The following NUP88 variants were observed in gnomAD, a reference collection of about 807,000 sequenced individuals.
The protein encoded by NUP88 is nuclear pore complex protein Nup88.
Under a neutral mutation model 93.9 loss-of-function variants are expected in NUP88, and 57 were observed. The ratio of observed to expected loss-of-function variants is 0.61; its 90% CI spans 0.49 to 0.76. The LOEUF is 0.76. Ranked by LOEUF, NUP88 falls within the 30% of genes least tolerant of loss-of-function variation. NUP88 has a pLI of 0.00. For missense variants in NUP88, 911 were observed against 901.0 expected, an observed-to-expected ratio of 1.01 and a Z score of -0.14; for synonymous variants, 346 against 336.8, an observed-to-expected ratio of 1.03 and a Z score of -0.30.
chr17:5,412,790 C>T (rs1051159409), intron 3 of NUP88, among the ~76,000 whole-genome samples: 6 of 152,134 alleles, frequency 3.9e-5, no homozygotes, highest in Admixed American at 1.3e-4. Context: ...GCTACCAGTT[C>T]GGTAAGATCT....
At chr17:5,410,818 A>G (rs1406094741) in intron 3 of NUP88, 29 bp from the exon 4 acceptor site, 1 of 1,455,788 alleles carries the variant, frequency 6.9e-7, no homozygotes, top group Non-Finnish European at 9.5e-7. Context: ...GAAAACCAGC[A>G]CTTAAAATTC....
intron 10 of NUP88, among the ~76,000 whole-genome samples, chr17:5,390,037 C>T (rs892088325): frequency 2.6e-5 from 4 of 151,690 alleles, no homozygotes; most frequent in Admixed American, 6.6e-5. Flanking sequence ...ATGTGGTGTG[C>T]GCCTGTAATC....
In NUP88 at chr17:5,387,888, T is replaced by C. The variant is rs1189116349; in HGVS notation, c.1660A>G (p.Ile554Val). Residue 554 changes from isoleucine (I) to valine (V), a missense_variant, in exon 12 of 17, where the codon ATA becomes GTA. Transcript: ENST00000573584. Reference sequence around the variant, plus strand: ...AGGCATTCTTCAGGAGGAGGGGCTATGTCCTTTTCAGAAGCTCTTAAAAAC... The same window carrying C: ...AGGCATTCTTCAGGAGGAGGGGCTACGTCCTTTTCAGAAGCTCTTAAAAAC... ...PAFLKASEKDIAPPPEECLQL... is the reference protein window; with the variant it reads ...PAFLKASEKDVAPPPEECLQL... The C allele has an allele frequency of 1.2e-6, 2 of 1,613,548 alleles. No homozygotes were observed. The highest frequency in any genetic ancestry group is 2.2e-5 in the East Asian group (1 of 44,874).
chr17:5,404,075 CACT>C (rs1427951257), intron 7 of NUP88, 21 bp downstream of exon 7: 4 of 1,608,812 alleles, frequency 2.5e-6, no homozygotes. Context: ...GGGAAAAAAG[CACT>C]ACATTTATTG....
chr17:5,386,653 T>C, intron 16 of NUP88, 55 bp downstream of exon 16: 1 of 1,165,786 alleles, frequency 8.6e-7, no homozygotes, highest in Non-Finnish European at 1.3e-6. Flanking sequence ...GATTCTGGCA[T>C]ACTGTAAAGG....
chr17:5,410,717 T>A lies in NUP88; in HGVS notation c.666A>T (p.Leu222=). The A allele has an allele frequency of 6.2e-7, 1 of 1,604,856 alleles. No individual in the cohort carries two copies. The highest frequency in any genetic ancestry group is 1.7e-5 in the Admixed American group (1 of 59,790). The change falls in exon 4 of 17, where the codon CTA becomes CTT. Residue 222 remains leucine (L), a synonymous_variant. Transcript: ENST00000573584. The part of the protein sequence containing the change: ...IILSEAEEES[L]VLNKGRAYTA... ...TAAAAACTTACCCTTTATTGAGTAC[T>A]AGACTTTCCTCTTCGGCTTCTGAAA...
rs149115747 is a variant in NUP88 at position 5,413,956 on chromosome 17, A to C, written c.593+53T>G. ...TATGTTGAGCTGTTAATTGGCAAAC[A>C]GAAACAGAGCTTTCCCACTCGCAAG... is the stretch of plus-strand genomic sequence containing the variant. On this transcript the variant is annotated intron_variant, in intron 3 of 16. Coordinates refer to ENST00000573584, the MANE Select transcript of NUP88 (RefSeq NM_002532.6). 1.1e-3 allele frequency: 1,813 copies of C among 1,596,430 alleles called. 7 individuals are homozygous for C. The Middle Eastern group carries it at 0.02, about 17-fold the overall frequency.
At chr17:5,397,449 G>A (rs929732798) in intron 8 of NUP88, among the ~76,000 whole-genome samples, 3 of 152,096 alleles carry the variant, frequency 2.0e-5, no homozygotes, top group African/African-American at 4.8e-5. Context: ...TACAACATGA[G>A]GACTCAACCC....
At chr17:5,390,744 C>T (rs1912366437) in intron 10 of NUP88, among the ~76,000 whole-genome samples, 1 of 151,962 alleles carries the variant, frequency 6.6e-6, no homozygotes, top group African/African-American at 2.4e-5. Context: ...TGCTCTGTTA[C>T]CCAGGCTGTA....
intron 8 of NUP88, among the ~76,000 whole-genome samples, chr17:5,399,233 G>A (rs1912995125): frequency 1.6e-5 from 2 of 126,682 alleles, no homozygotes; most frequent in Admixed American, 1.8e-4. Context: ...CCCAGACCCT[G>A]ATTGAGTCAG....
In NUP88 at chr17:5,398,714, G is replaced by A. The variant is rs755250716; in HGVS notation, c.1291+838C>T. 3.3e-5 allele frequency among the ~76,000 whole-genome samples: 5 copies of A among 151,516 alleles called. No individual in the cohort carries two copies. The South Asian group carries it at 6.3e-4, about 19-fold the overall frequency. ...AGCGACTCTCCTACCTCAGCCTTCC[G>A]AGTAGCTGGGACTACAGGTGTGTGC... is the stretch of plus-strand genomic sequence containing the variant. On this transcript the variant is annotated intron_variant, in intron 8 of 16. Transcript: ENST00000573584.
Position 5,419,638 on chromosome 17 carries a change from C to G in NUP88, c.13G>C (p.Glu5Gln), listed in dbSNP as rs769723943. 19 of 1,589,672 alleles carry G rather than the reference C, an allele frequency of 1.2e-5. No individual in the cohort carries two copies. In the Admixed American group the frequency reaches 1.3e-4, roughly 11 times the overall value. MAAA[E>Q]GPVGDGELWQ... The stretch of plus-strand genomic sequence containing the variant: ...AGCTCGCCGTCGCCCACCGGTCCCT[C>G]GGCGGCCGCCATCTTGGCCCAACTG... Residue 5 changes from glutamate to glutamine, a missense_variant, in exon 1 of 17, where the codon GAG becomes CAG. Transcript: ENST00000573584.
At chr17:5,388,690 A>G in intron 11 of NUP88, 112 bp downstream of exon 11, 1 of 1,017,714 alleles carries the variant, frequency 9.8e-7, no homozygotes, top group Non-Finnish European at 1.4e-6. Context: ...GTTTCTTCCA[A>G]ATTTATCACA....
At chr17:5,386,650 G>T in intron 16 of NUP88, 58 bp downstream of exon 16, 1 of 1,138,262 alleles carries the variant, frequency 8.8e-7, no homozygotes, top group Non-Finnish European at 1.3e-6. Context: ...GTTGATTCTG[G>T]CATACTGTAA....
Position 5,385,351 on chromosome 17 carries a change from A to C in NUP88, c.*855T>G, listed in dbSNP as rs1911862467. On this transcript the variant is annotated 3_prime_UTR_variant, in exon 17 of 17. Transcript: ENST00000573584. ...GGGTTTCACGAGTGTTCCTGTGCTT[A>C]TATTCAGTCTGTGCCTACATGTTCT... The C allele has an allele frequency of 4.3e-6, 1 of 230,888 alleles. No individual in the cohort carries two copies. The highest frequency in any genetic ancestry group is 8.6e-6 in the Non-Finnish European group (1 of 116,598). 14.3% of individuals were successfully genotyped at this position (230,888 alleles called of 1,614,324 possible).
At chr17:5,401,450 G>C (rs1913162174) in intron 7 of NUP88, among the ~76,000 whole-genome samples, 1 of 151,988 alleles carries the variant, frequency 6.6e-6, no homozygotes, top group African/African-American at 2.4e-5. Context: ...ATATATTAAA[G>C]CTGATAAAAT....
chr17:5,397,163 A>G lies in NUP88; in HGVS notation c.1292-2182T>C, dbSNP rs145186837. Among the ~76,000 whole-genome samples the G allele has an allele frequency of 7.5e-3, 1,145 of 152,112 alleles. 14 individuals are homozygous for G. The highest frequency in any genetic ancestry group is 0.026 in the African/African-American group (1,095 of 41,488). On this transcript the variant is annotated intron_variant, in intron 8 of 16. Coordinates refer to ENST00000573584, the MANE Select transcript of NUP88 (RefSeq NM_002532.6). ...GAGACCAGCCTGGGCAACACGGTAA[A>G]ACCCCATCTCTACAAAAAACACAAA...
At chr17:5,416,167 G>GTATATATATATATA (rs377002927) in intron 2 of NUP88, among the ~76,000 whole-genome samples, 63 of 47,740 alleles carry the variant, frequency 1.3e-3, no homozygotes, top group African/African-American at 2.4e-3. Flanking sequence ...AAAAAAAAAA[G>GTATATATATATATA]TATATATATA....
intron 1 of NUP88, among the ~76,000 whole-genome samples, chr17:5,418,753 T>A (rs1272737305): frequency 6.6e-6 from 1 of 152,226 alleles, no homozygotes; most frequent in African/African-American, 2.4e-5. Context: ...ATCTGTGTAT[T>A]ACAAATAAAC....
Sources: allele counts gnomAD v4.1 joint callset (sites outside exome capture counted in the v4.1 genomes callset), GRCh38; gene constraint gnomAD v4.1.1; transcripts MANE v1.5; gene names NCBI Gene and HGNC (gene_info 2026-07-23, HGNC 2026-07-21).